Variants in TBC1D21 observed in about 807,000 individuals in gnomAD.
The protein encoded by TBC1D21 is male germ cell Rab GTPase-activating protein.
TBC1D21 carries 38 observed loss-of-function variants against 46.0 expected under a neutral mutation model. That is an observed-to-expected ratio of 0.83 (90% CI 0.64 to 1.08). The LOEUF is 1.08. Among genes scored for constraint, TBC1D21 ranks in the 50% least tolerant of loss-of-function variants. TBC1D21 has a pLI of 0.00. For missense variants in TBC1D21, 415 were observed against 417.9 expected, an observed-to-expected ratio of 0.99 and a Z score of 0.06; for synonymous variants, 151 against 157.2, an observed-to-expected ratio of 0.96 and a Z score of 0.29.
intron 1 of TBC1D21, among the ~76,000 whole-genome samples, chr15:73,880,238 T>C (rs1038516755): frequency 8.6e-5 from 13 of 151,884 alleles, no homozygotes; most frequent in African/African-American, 3.1e-4. Context: ...TTGCATGCAG[T>C]GCACTCACCT....
At position 73,884,792 on chromosome 15, in the gene TBC1D21, C is replaced by A; in HGVS notation, c.379C>A (p.Gln127Lys). 1 of 1,613,990 alleles carries A rather than the reference C, an allele frequency of 6.2e-7. No individual in the cohort carries two copies. Among genetic ancestry groups the A allele is most frequent in the Non-Finnish European group, 8.5e-7 (1 of 1,179,890 alleles). ...ETRNNIARDI[Q>K]KIYDKDPLGN... ...TGCTTCCAACCTAGCACGTGACATT[C>A]AGAAAATCTATGACAAAGATCCCCT... The change falls in exon 5 of 11, where the codon CAG becomes AAG. Residue 127 changes from glutamine (Q) to lysine (K), a missense_variant. Transcript: ENST00000300504.
At chr15:73,904,688 G>A in the TBC1D21 span, among the ~76,000 whole-genome samples, 1,690 of 152,248 alleles carry the variant, frequency 0.011, 21 homozygotes, top group South Asian at 0.039. Context: ...GAGTGCAGCT[G>A]GGTGAAGTGG....
intron 1 of TBC1D21, among the ~76,000 whole-genome samples, chr15:73,874,197 G>A (rs973635172): frequency 3.3e-5 from 5 of 152,038 alleles, no homozygotes; most frequent in South Asian, 2.1e-4. Flanking sequence ...TTTTCCACAC[G>A]GTATTTTTTC....
chr15:73,890,159 C>T (rs980032644), downstream of TBC1D21, among the ~76,000 whole-genome samples: 5 of 152,214 alleles, frequency 3.3e-5, no homozygotes, highest in Non-Finnish European at 7.3e-5. Flanking sequence ...ATGGCCATCC[C>T]TCTCACTCTT....
chr15:73,887,763 A>G, intron 9 of TBC1D21, 27 bp downstream of exon 9: 1 of 1,595,194 alleles, frequency 6.3e-7, no homozygotes, highest in East Asian at 2.2e-5. Flanking sequence ...GCAAGCTACC[A>G]CCCCTGCTCC....
the TBC1D21 span, among the ~76,000 whole-genome samples, chr15:73,907,647 T>C: frequency 0.052 from 7,905 of 152,292 alleles, 282 homozygotes; most frequent in South Asian, 0.084. Context: ...TGATGGCCTC[T>C]TCCATCCATC....
chr15:73,882,407 G>T (rs184660061), intron 3 of TBC1D21, among the ~76,000 whole-genome samples: 4 of 152,072 alleles, frequency 2.6e-5, no homozygotes, highest in Admixed American at 2.6e-4. Flanking sequence ...GACCACGTTT[G>T]CACTCCCCTC....
chr15:73,889,734 T>C (rs901952192), downstream of TBC1D21, among the ~76,000 whole-genome samples: 2 of 152,268 alleles, frequency 1.3e-5, no homozygotes, highest in African/African-American at 2.4e-5. Flanking sequence ...CCTGCAAATG[T>C]GTCCTCAAGC....
chr15:73,877,626 C>T (rs1010195253), intron 1 of TBC1D21, among the ~76,000 whole-genome samples: 2 of 148,968 alleles, frequency 1.3e-5, no homozygotes, highest in African/African-American at 5.0e-5. Context: ...AAGAAACTCA[C>T]AGGCAAATGA....
chr15:73,890,239 C>T (rs2068325641), downstream of TBC1D21, among the ~76,000 whole-genome samples: 1 of 152,182 alleles, frequency 6.6e-6, no homozygotes, highest in Non-Finnish European at 1.5e-5. Context: ...GCCATTATGT[C>T]CCCAATGAGT....
intron 4 of TBC1D21, 114 bp from the exon 5 acceptor site, chr15:73,884,667 C>T: frequency 1.4e-6 from 1 of 705,356 alleles, no homozygotes; most frequent in South Asian, 1.8e-5. Flanking sequence ...TTCACAGCTC[C>T]CTCTCCCTCC....
rs1256275220 is a variant in TBC1D21, at chr15:73,889,198, A to G, written c.*97A>G. On this transcript the variant is annotated 3_prime_UTR_variant, in exon 11 of 11. Transcript: ENST00000300504. ...AGTAGATAAAACAGCTGCAATATAAACAGTCCTCTGGAATAATGGTTTGTG... is the reference window on the plus strand; with the variant it reads ...AGTAGATAAAACAGCTGCAATATAAGCAGTCCTCTGGAATAATGGTTTGTG... 3.0e-6 allele frequency: 4 copies of G among 1,342,078 alleles called. No homozygotes were observed. The highest frequency in any genetic ancestry group is 4.2e-6 in the Non-Finnish European group (4 of 953,490). 83.1% of individuals were successfully genotyped at this position (1,342,078 alleles called of 1,614,324 possible).
chr15:73,894,522 C>A, the TBC1D21 span, among the ~76,000 whole-genome samples: 1 of 152,230 alleles, frequency 6.6e-6, no homozygotes, highest in Non-Finnish European at 1.5e-5. Context: ...CATTCCTTCT[C>A]CAGGATGGGG....
At chr15:73,894,548 TG>T in the TBC1D21 span, among the ~76,000 whole-genome samples, 12 of 152,218 alleles carry the variant, frequency 7.9e-5, no homozygotes, top group African/African-American at 2.6e-4. Context: ...GCTGGGGGTC[TG>T]GGGTTGCAGG....
intron 1 of TBC1D21, among the ~76,000 whole-genome samples, chr15:73,874,353 C>T (rs942048574): frequency 1.3e-5 from 2 of 152,152 alleles, no homozygotes; most frequent in Non-Finnish European, 2.9e-5. Flanking sequence ...TATCACCAGG[C>T]CTTGCTTTAA....
intron 1 of TBC1D21, 39 bp from the exon 2 acceptor site, chr15:73,881,360 C>A (rs757129699): frequency 4.2e-5 from 63 of 1,515,446 alleles, no homozygotes; most frequent in Non-Finnish European, 5.2e-5. Context: ...AAGCCGAAGC[C>A]TTCTAACATA....
the TBC1D21 span, among the ~76,000 whole-genome samples, chr15:73,906,313 G>A: frequency 5.3e-5 from 8 of 152,264 alleles, no homozygotes; most frequent in Admixed American, 2.6e-4. Flanking sequence ...GGAGGAGGTC[G>A]GGGAGAGGCT....
downstream of TBC1D21, among the ~76,000 whole-genome samples, chr15:73,893,601 C>T (rs567092958): frequency 6.6e-6 from 1 of 152,366 alleles, no homozygotes; most frequent in African/African-American, 2.4e-5. Flanking sequence ...TCTCTACCCA[C>T]TAACAACTGC....
chr15:73,903,945 G>C, the TBC1D21 span, among the ~76,000 whole-genome samples: 1 of 152,228 alleles, frequency 6.6e-6, no homozygotes, highest in African/African-American at 2.4e-5. Flanking sequence ...CTACACAAGA[G>C]GCTGAAGCAG....
Sources: allele counts gnomAD v4.1 joint callset (sites outside exome capture counted in the v4.1 genomes callset), GRCh38; gene constraint gnomAD v4.1.1; transcripts MANE v1.5; gene names NCBI Gene and HGNC (gene_info 2026-07-23, HGNC 2026-07-21).